ALKBH2: variants seen among roughly 807,000 people sequenced by gnomAD.
The protein encoded by ALKBH2 is DNA oxidative demethylase ALKBH2.
Under a neutral mutation model 19.7 loss-of-function variants are expected in ALKBH2, and 19 were observed. That is an observed-to-expected ratio of 0.97 (90% CI 0.67 to 1.42). The LOEUF is 1.42. ALKBH2 is among the 40% of genes most tolerant of loss of function. The pLI is 0.00. For synonymous variants in ALKBH2, 135 were observed against 131.2 expected (o/e 1.03, Z -0.20); for missense variants, 310 against 328.5 (o/e 0.94, Z 0.43).
In ALKBH2 at chr12:109,093,456, C is replaced by T. The variant is rs967486987; in HGVS notation, c.-361G>A. On this transcript the variant is annotated 5_prime_UTR_variant, in exon 1 of 4. Coordinates refer to ENST00000429722, the MANE Select transcript of ALKBH2 (RefSeq NM_001145374.2). ...GGAATCCCGCAGTCACCCTGGTGGC[C>T]TCGTGGTGGGAAAGACGCGCCCCAG... The T allele has an allele frequency of 2.6e-5, 4 of 152,286 alleles. No individual in the cohort carries two copies. The highest frequency in any genetic ancestry group is 5.9e-5 in the Non-Finnish European group (4 of 68,070). 9.4% of individuals were successfully genotyped at this position (152,286 alleles called of 1,614,324 possible).
rs1047916592 is a variant in ALKBH2, at chr12:109,088,741, G to T, written c.480-229C>A. Reference sequence around the variant, plus strand: ...CTTATTTATTATTATTTTTGAGAGGGTCTCGCTCTGTCACCCAGGCTGAAG... The same window carrying T: ...CTTATTTATTATTATTTTTGAGAGGTTCTCGCTCTGTCACCCAGGCTGAAG... On this transcript the variant is annotated intron_variant, in intron 3 of 3. Coordinates refer to ENST00000429722, the MANE Select transcript of ALKBH2 (RefSeq NM_001145374.2). The surrounding 1 kb of genome is among the most constrained non-coding windows in gnomAD (Gnocchi z 4.2). Among the ~76,000 whole-genome samples, 2 of 152,078 alleles carry T rather than the reference G, an allele frequency of 1.3e-5. No homozygotes were observed. Among genetic ancestry groups the T allele is most frequent in the African/African-American group, 2.4e-5 (1 of 41,412 alleles).
chr12:109,090,930 A>G (rs1393276845), intron 2 of ALKBH2, among the ~76,000 whole-genome samples: 1 of 152,190 alleles, frequency 6.6e-6, no homozygotes, highest in Non-Finnish European at 1.5e-5. Context: ...GAACACTGTA[A>G]CTTAACTGCC....
At chr12:109,090,816 A>G (rs2042050032) in intron 2 of ALKBH2, among the ~76,000 whole-genome samples, 1 of 152,202 alleles carries the variant, frequency 6.6e-6, no homozygotes, top group Non-Finnish European at 1.5e-5. Flanking sequence ...CTGGGATTAT[A>G]GGTGTGCACC....
chr12:109,092,383 T>G (rs893081712), intron 2 of ALKBH2, 124 bp downstream of exon 2: 2 of 1,360,532 alleles, frequency 1.5e-6, no homozygotes, highest in Non-Finnish European at 1.9e-6. Context: ...ATTGGATGAA[T>G]CCATTAGTGA....
chr12:109,093,071 T>C (rs897508902), intron 1 of ALKBH2, 134 bp from the exon 2 acceptor site: 5 of 458,688 alleles, frequency 1.1e-5, no homozygotes, highest in Non-Finnish European at 1.7e-5. Context: ...ACTCCACGCC[T>C]GAGCACCTGA....
chr12:109,089,748 C>CAA (rs565703128), intron 3 of ALKBH2: 96 of 402,098 alleles, frequency 2.4e-4, no homozygotes, highest in South Asian at 4.0e-4. Flanking sequence ...AACCCTGTCT[C>CAA]AAAAAAAAAA....
At chr12:109,089,170 T>A (rs999489782) in intron 3 of ALKBH2, among the ~76,000 whole-genome samples, 1 of 152,194 alleles carries the variant, frequency 6.6e-6, no homozygotes, top group Non-Finnish European at 1.5e-5. Flanking sequence ...GCTCATGCCA[T>A]CCCCTTCTTT....
Position 109,088,507 on chromosome 12 carries a change from T to C in ALKBH2, c.485A>G (p.Lys162Arg). The change falls in exon 4 of 4, where the codon AAA becomes AGA. Residue 162 changes from lysine (K) to arginine (R), a missense_variant. Physicochemically the swap from Lys to Arg is conservative, Grantham distance 26. Transcript: ENST00000429722. The surrounding 1 kb of genome is among the most constrained non-coding windows in gnomAD (Gnocchi z 4.2). ...TFNFVLINRY[K>R]DGCDHIGEHR... ...CTCCCCGATGTGGTCACAGCCATCT[T>C]TATACCTGCAATGAGAAAACAAACA... 6.3e-7 allele frequency: 1 copy of C among 1,585,876 alleles called. No individual in the cohort carries two copies.
At chr12:109,089,816 C>T in intron 3 of ALKBH2, 193 bp downstream of exon 3, 1 of 594,650 alleles carries the variant, frequency 1.7e-6, no homozygotes, top group East Asian at 2.8e-5. Flanking sequence ...AGGAGTTAAT[C>T]ACCTCTCACT....
At chr12:109,093,148 C>G in intron 1 of ALKBH2, 99 bp downstream of exon 1, 1 of 211,938 alleles carries the variant, frequency 4.7e-6, no homozygotes, top group Non-Finnish European at 9.4e-6. Context: ...CAATCCAAAC[C>G]CTCATTTTGC....
At chr12:109,090,365 C>G (rs763526384) in intron 2 of ALKBH2, among the ~76,000 whole-genome samples, 158 bp from the exon 3 acceptor site, 57 of 152,166 alleles carry the variant, frequency 3.7e-4, no homozygotes, top group Non-Finnish European at 6.5e-4. Context: ...ATAACATTTC[C>G]CCGTCATTCC....
rs75495259 is a variant in ALKBH2 at position 109,090,857 on chromosome 12, A to G, written c.281-650T>C. Among the ~76,000 whole-genome samples, 1,276 of 152,346 alleles carry G rather than the reference A, an allele frequency of 8.4e-3. 10 individuals are homozygous for G. Among genetic ancestry groups the G allele is most frequent in the South Asian group, 0.029 (141 of 4,826 alleles). On this transcript the variant is annotated intron_variant, in intron 2 of 3. Coordinates refer to ENST00000429722, the MANE Select transcript of ALKBH2 (RefSeq NM_001145374.2). ...ACCAAGCCAACTGCCCCAAATGTTCATGTAAGAACAGTGACTCTTGTTCTA... is the reference window on the plus strand; with the variant it reads ...ACCAAGCCAACTGCCCCAAATGTTCGTGTAAGAACAGTGACTCTTGTTCTA...
At chr12:109,089,680 G>C (rs1008888452) in intron 3 of ALKBH2, 50 of 340,494 alleles carry the variant, frequency 1.5e-4, no homozygotes, top group African/African-American at 9.7e-4. Context: ...TTGGGAGGCT[G>C]AGGTGGGAGG....
In ALKBH2 at chr12:109,092,519, C is replaced by G. The variant is rs763619787; in HGVS notation, c.268G>C (p.Glu90Gln). ...EIFQELEKEV[E>Q]YFTGALARVQ... ...CCCCTCTGCTTACCTGTAAAATATT[C>G]TACTTCTTTCTCCAACTCTTGGAAA... Residue 90 changes from glutamate to glutamine, a missense_variant, in exon 2 of 4, where the codon GAA becomes CAA. Physicochemically the swap from Glu to Gln is conservative, Grantham distance 29. Transcript: ENST00000429722. The G allele has an allele frequency of 2.5e-6, 4 of 1,583,628 alleles. No individual in the cohort carries two copies. The Admixed American group carries it at 7.0e-5, about 28-fold the overall frequency.
At chr12:109,093,175 G>A (rs1038434912) in intron 1 of ALKBH2, 72 bp downstream of exon 1, 4 of 189,498 alleles carry the variant, frequency 2.1e-5, no homozygotes, top group Admixed American at 5.6e-5. Flanking sequence ...GGAAACTGTT[G>A]CCCACAGAGG....
Position 109,092,495 on chromosome 12 carries a change from C to CA in ALKBH2, c.280+11_280+12insT. On this transcript the variant is annotated intron_variant, in intron 2 of 3. Transcript: ENST00000429722. ...AATGCACACACACACACACACACAC[C>CA]CCTCTGCTTACCTGTAAAATATTCT... The CA allele has an allele frequency of 7.0e-6, 10 of 1,427,340 alleles. No individual in the cohort carries two copies. Among genetic ancestry groups the CA allele is most frequent in the South Asian group, 1.4e-5 (1 of 72,798 alleles). The allele number at this position is 1,427,340 out of a possible 1,614,324, so 88.4% of individuals were successfully genotyped here.
chr12:109,092,518 T>C lies in ALKBH2; in HGVS notation c.269A>G (p.Glu90Gly). 4 of 1,583,232 alleles carry C rather than the reference T, an allele frequency of 2.5e-6. No homozygotes were observed. The highest frequency in any genetic ancestry group is 3.4e-6 in the Non-Finnish European group (4 of 1,162,926). The change falls in exon 2 of 4, where the codon GAA becomes GGA. Residue 90 changes from glutamate (E) to glycine (G), a missense_variant. Transcript: ENST00000429722. ...EIFQELEKEV[E>G]YFTGALARVQ... ...ACCCCTCTGCTTACCTGTAAAATAT[T>C]CTACTTCTTTCTCCAACTCTTGGAA... is the stretch of plus-strand genomic sequence containing the variant.
At chr12:109,089,921 A>C in intron 3 of ALKBH2, 88 bp downstream of exon 3, 1 of 1,440,302 alleles carries the variant, frequency 6.9e-7, no homozygotes, top group Non-Finnish European at 9.7e-7. Context: ...GATTTGTACC[A>C]ATGAACCAAA....
rs778218408 is a variant in ALKBH2, at chr12:109,088,335, G to A, written c.657C>T (p.Ala219=). ...GGTTCATCATTAGTAAGCTCCCGTG[G>A]GCCAGCGGCAGCCTGACCACCGCCA... is the stretch of plus-strand genomic sequence containing the variant. ...RRVAVVRLPL[A]HGSLLMMNHP... is the part of the protein sequence containing the mutation. The change falls in exon 4 of 4, where the codon GCC becomes GCT. Residue 219 remains alanine (A), a synonymous_variant. Transcript: ENST00000429722. The surrounding 1 kb of genome is among the most constrained non-coding windows in gnomAD (Gnocchi z 4.2). The A allele has an allele frequency of 4.3e-6, 7 of 1,613,876 alleles. No homozygotes were observed. The Admixed American group carries it at 8.3e-5, about 19-fold the overall frequency.
Sources: gnomAD v4.1 joint callset for allele counts (sites outside exome capture counted in the v4.1 genomes callset) on GRCh38, gnomAD v4.1.1 for gene constraint, Gnocchi (gnomAD v3.1) non-coding constraint, MANE v1.5 for transcripts, NCBI Gene and HGNC (gene_info 2026-07-23, HGNC 2026-07-21) for gene names.